The following TFDP2 variants were observed in gnomAD, a reference collection of about 807,000 sequenced individuals.
TFDP2 encodes the protein transcription factor Dp-2 (E2F dimerization partner 2).
A neutral mutation model predicts 59.3 loss-of-function variants in TFDP2; 17 were observed. The observed-to-expected ratio is 0.29, with a 90% CI of 0.20 to 0.43. TFDP2 has a LOEUF of 0.43. TFDP2 is among the 20% of genes least tolerant of loss of function. TFDP2 has a pLI of 1.00. For missense variants in TFDP2, 391 were observed against 528.8 expected (o/e 0.74, Z 2.56); for synonymous variants, 180 against 194.7 (o/e 0.92, Z 0.63).
At chr3:142,042,698 C>T (rs1286975980) in intron 3 of TFDP2, among the ~76,000 whole-genome samples, 1 of 96,610 alleles carries the variant, frequency 1.0e-5, no homozygotes, top group African/African-American at 3.9e-5. Flanking sequence ...TTATATATAG[C>T]TTTTTGTAGC....
intron 3 of TFDP2, among the ~76,000 whole-genome samples, chr3:142,088,120 A>G (rs2060864574): frequency 6.6e-6 from 1 of 152,194 alleles, no homozygotes; most frequent in Non-Finnish European, 1.5e-5. Context: ...GTTTATCCTT[A>G]GCACCTAGAA....
intron 1 of TFDP2, among the ~76,000 whole-genome samples, chr3:142,132,726 C>G (rs970422945): frequency 4.9e-4 from 60 of 121,618 alleles, no homozygotes; most frequent in Non-Finnish European, 8.4e-4. Flanking sequence ...GCCTGGGCAA[C>G]AGATTAAGAC....
At position 142,119,968 on chromosome 3, in the gene TFDP2, TG is replaced by T. The variant is rs1405077619; in HGVS notation, c.-92-18128del. On this transcript the variant is annotated intron_variant, in intron 1 of 12. Transcript: ENST00000489671. ...GGGAGGCTGAGGCAGGAGAATTGTT[TG>T]AACCCGGCAGGCGGAGGTTGCAGTG... Among the ~76,000 whole-genome samples the T allele has an allele frequency of 4.6e-5, 7 of 151,382 alleles. No individual in the cohort carries two copies. In the East Asian group the frequency reaches 9.7e-4, roughly 21 times the overall value.
chr3:142,001,994 T>G (rs1337713410), intron 4 of TFDP2, among the ~76,000 whole-genome samples: 2 of 148,010 alleles, frequency 1.4e-5, no homozygotes, highest in East Asian at 1.9e-4. Flanking sequence ...TGCCTGGTTT[T>G]TTTTTTTTTT....
At chr3:142,073,777 A>C (rs2060344624) in intron 3 of TFDP2, among the ~76,000 whole-genome samples, 1 of 152,234 alleles carries the variant, frequency 6.6e-6, no homozygotes, top group Non-Finnish European at 1.5e-5. Context: ...ACCTCTATTT[A>C]ATTCCAGAAC....
intron 3 of TFDP2, among the ~76,000 whole-genome samples, chr3:142,071,899 T>C (rs760145371): frequency 6.6e-6 from 1 of 152,198 alleles, no homozygotes; most frequent in Non-Finnish European, 1.5e-5. Context: ...AGGTACCCAA[T>C]AGGCTGTCGG....
At chr3:142,078,189 T>C (rs1437809873) in intron 3 of TFDP2, among the ~76,000 whole-genome samples, 13 of 152,078 alleles carry the variant, frequency 8.5e-5, no homozygotes, top group African/African-American at 3.1e-4. Flanking sequence ...ATTTCTAAGG[T>C]TTCCGACTCT....
In TFDP2 at chr3:141,949,269, C is replaced by A. The variant is rs1238551897; in HGVS notation, c.*3244G>T. The A allele has an allele frequency of 6.6e-6, 1 of 152,072 alleles. No individual in the cohort carries two copies. Among genetic ancestry groups the A allele is most frequent in the African/African-American group, 2.4e-5 (1 of 41,394 alleles). 9.4% of individuals were successfully genotyped at this position (152,072 alleles called of 1,614,324 possible). The stretch of plus-strand genomic sequence containing the variant: ...AAACCACATAGCTTTTTCTTCCCAG[C>A]ACTTCTTTAAAGAATTAAATTGAAG... On this transcript the variant is annotated 3_prime_UTR_variant, in exon 13 of 13. Coordinates refer to ENST00000489671, the MANE Select transcript of TFDP2 (RefSeq NM_001178139.2).
At chr3:142,078,221 G>A (rs1223168550) in intron 3 of TFDP2, among the ~76,000 whole-genome samples, 3 of 152,158 alleles carry the variant, frequency 2.0e-5, no homozygotes, top group Non-Finnish European at 2.9e-5. Context: ...CCCAGATGGC[G>A]TCTCTCAACC....
At chr3:142,085,902 A>G (rs1162139777) in intron 3 of TFDP2, among the ~76,000 whole-genome samples, 1 of 152,174 alleles carries the variant, frequency 6.6e-6, no homozygotes, top group East Asian at 1.9e-4. Context: ...TCAATCAATC[A>G]AACTGTGATC....
chr3:142,108,578 G>T (rs1179869935), intron 1 of TFDP2, among the ~76,000 whole-genome samples: 1 of 152,130 alleles, frequency 6.6e-6, no homozygotes, highest in Non-Finnish European at 1.5e-5. Context: ...CTTGACAGTT[G>T]TAAATTTCCT....
chr3:141,968,041 GA>G (rs1438189974), intron 9 of TFDP2, among the ~76,000 whole-genome samples: 1 of 151,684 alleles, frequency 6.6e-6, no homozygotes, highest in Non-Finnish European at 1.5e-5. Flanking sequence ...TTTGGGGCAT[GA>G]GCTCTTAGGG....
intron 1 of TFDP2, among the ~76,000 whole-genome samples, chr3:142,102,220 G>A (rs1018840040): frequency 1.3e-5 from 2 of 152,122 alleles, no homozygotes; most frequent in African/African-American, 4.8e-5. Flanking sequence ...AAAAATGATG[G>A]AGACATGTCA....
intron 10 of TFDP2, among the ~76,000 whole-genome samples, chr3:141,961,057 G>T (rs1435024819): frequency 5.9e-5 from 9 of 152,090 alleles, no homozygotes; most frequent in Admixed American, 3.9e-4. Flanking sequence ...CAATACCCTA[G>T]GCCAATGATT....
intron 3 of TFDP2, among the ~76,000 whole-genome samples, chr3:142,091,673 C>T (rs1199942762): frequency 6.6e-6 from 1 of 152,104 alleles, no homozygotes; most frequent in Non-Finnish European, 1.5e-5. Flanking sequence ...TACCAGGGAC[C>T]AGTTTCGTGG....
intron 3 of TFDP2, among the ~76,000 whole-genome samples, chr3:142,063,268 TCA>T (rs2059976974): frequency 2.6e-5 from 4 of 152,322 alleles, no homozygotes; most frequent in African/African-American, 9.6e-5. Context: ...TAAATAAATC[TCA>T]CATAGTTAAG....
At chr3:141,974,973 G>A (rs62283129) in intron 7 of TFDP2, among the ~76,000 whole-genome samples, 19 of 144,606 alleles carry the variant, frequency 1.3e-4, no homozygotes, top group African/African-American at 4.8e-4. Context: ...GAGTGCAGTG[G>A]CGCAATCTCA....
At chr3:142,128,509 A>G in intron 1 of TFDP2, among the ~76,000 whole-genome samples, 1 of 152,222 alleles carries the variant, frequency 6.6e-6, no homozygotes, top group Non-Finnish European at 1.5e-5. Flanking sequence ...CCATGGACAA[A>G]GAGTTTTTAC....
intron 4 of TFDP2, among the ~76,000 whole-genome samples, chr3:142,004,787 A>C (rs1944084434): frequency 6.6e-6 from 1 of 152,230 alleles, no homozygotes; most frequent in Non-Finnish European, 1.5e-5. Context: ...AGAGTAGTAA[A>C]GGTTATTTTA....
Sources: gnomAD v4.1 joint callset for allele counts (sites outside exome capture counted in the v4.1 genomes callset) on GRCh38, gnomAD v4.1.1 for gene constraint, MANE v1.5 for transcripts, NCBI Gene and HGNC (gene_info 2026-07-23, HGNC 2026-07-21) for gene names.